The following DLST variants were observed in gnomAD, a reference collection of about 807,000 sequenced individuals.
The protein encoded by DLST is dihydrolipoamide S-succinyltransferase.
In DLST, 17 loss-of-function variants were observed where a neutral mutation model predicts 53.1. The observed-to-expected ratio is 0.32, with a 90% CI of 0.22 to 0.48. The LOEUF (loss-of-function observed/expected upper bound fraction) is 0.48, where lower values mean the gene tolerates loss of function less well. Ranked by LOEUF, DLST falls within the 20% of genes least tolerant of loss-of-function variation. The pLI is 0.99. For synonymous variants in DLST, 206 were observed against 204.8 expected, an observed-to-expected ratio of 1.01 and a Z score of -0.05; for missense variants, 512 against 583.9, an observed-to-expected ratio of 0.88 and a Z score of 1.27.
Position 74,903,450 on chromosome 14 carries a change from C to G in DLST, c.*1120C>G, listed in dbSNP as rs1012669905. 1.3e-5 allele frequency: 2 copies of G among 152,114 alleles called. No individual in the cohort carries two copies. The highest frequency in any genetic ancestry group is 2.4e-5 in the African/African-American group (1 of 41,402). 9.4% of individuals were successfully genotyped at this position (152,114 alleles called of 1,614,324 possible). A position where few individuals can be genotyped will look rare whatever the true frequency, so the allele number is the denominator to read the frequency against. Reference sequence around the variant, plus strand: ...GAGGTCATTTCTAAGGTGTGTTGCCCGTGGATCTGGGCACAATCATTGGAA... The same window carrying G: ...GAGGTCATTTCTAAGGTGTGTTGCCGGTGGATCTGGGCACAATCATTGGAA... On this transcript the variant is annotated 3_prime_UTR_variant, in exon 15 of 15. Coordinates refer to ENST00000334220, the MANE Select transcript of DLST (RefSeq NM_001933.5).
chr14:74,882,101 C>G (rs894158124), intron 1 of DLST, 85 bp downstream of exon 1: 2 of 1,273,770 alleles, frequency 1.6e-6, no homozygotes, highest in Non-Finnish European at 2.0e-6. Context: ...GGGCGCGGCG[C>G]GCCGGCCGGG....
intron 2 of DLST, among the ~76,000 whole-genome samples, chr14:74,884,587 C>A (rs1406786800): frequency 6.6e-6 from 1 of 152,166 alleles, no homozygotes; most frequent in Non-Finnish European, 1.5e-5. Context: ...TTTTTATAAA[C>A]CCTAAAGCAC....
chr14:74,898,534 G>T, intron 11 of DLST, 35 bp downstream of exon 11: 1 of 1,610,356 alleles, frequency 6.2e-7, no homozygotes, highest in Non-Finnish European at 8.5e-7. Context: ...GAGAGGTCCT[G>T]GGAGGTAGGT....
chr14:74,889,054 G>C (rs781007119), intron 3 of DLST, 41 bp from the exon 4 acceptor site: 2 of 1,545,902 alleles, frequency 1.3e-6, no homozygotes, highest in Non-Finnish European at 1.7e-6. Context: ...AATGTGAGTG[G>C]TTCGCCTGTT....
chr14:74,885,530 C>T, intron 2 of DLST, 56 bp from the exon 3 acceptor site: 1 of 1,569,854 alleles, frequency 6.4e-7, no homozygotes, highest in Non-Finnish European at 8.8e-7. Context: ...CCATTCCCAG[C>T]ATGTATCCTT....
intron 10 of DLST, among the ~76,000 whole-genome samples, chr14:74,897,466 C>T (rs1884106510): frequency 6.6e-6 from 1 of 152,186 alleles, no homozygotes; most frequent in African/African-American, 2.4e-5. Flanking sequence ...CCATTTCTCA[C>T]TAACTCTGCA....
intron 2 of DLST, among the ~76,000 whole-genome samples, chr14:74,883,613 C>G (rs1883607402): frequency 6.6e-6 from 1 of 152,128 alleles, no homozygotes; most frequent in South Asian, 2.1e-4. Flanking sequence ...TTGTTGTGGG[C>G]TTTCTTTGTG....
intron 3 of DLST, among the ~76,000 whole-genome samples, chr14:74,888,801 T>G (rs17102856): frequency 0.011 from 1,638 of 152,172 alleles, 35 homozygotes; most frequent in African/African-American, 0.038. Context: ...CAAATGTAAG[T>G]CTGTTTTGTG....
intron 1 of DLST, among the ~76,000 whole-genome samples, chr14:74,882,371 A>G (rs973823477): frequency 2.0e-5 from 3 of 152,296 alleles, no homozygotes; most frequent in African/African-American, 7.2e-5. Context: ...TTGCTCTGTT[A>G]AAATCAGTGG....
intron 10 of DLST, among the ~76,000 whole-genome samples, chr14:74,894,849 T>TTTA (rs1884029171): frequency 6.6e-6 from 1 of 151,716 alleles, no homozygotes; most frequent in South Asian, 2.1e-4. Context: ...GCCTGGCCTG[T>TTTA]TTATTGTTAA....
At chr14:74,885,804 C>A (rs1594871871) in intron 3 of DLST, 170 bp downstream of exon 3, 2 of 608,768 alleles carry the variant, frequency 3.3e-6, no homozygotes, top group African/African-American at 1.9e-5. Flanking sequence ...ATGTGATGTT[C>A]CTTGAGCATC....
At chr14:74,889,178 T>G in intron 4 of DLST, 31 bp downstream of exon 4, 1 of 1,613,134 alleles carries the variant, frequency 6.2e-7, no homozygotes, top group South Asian at 1.1e-5. Flanking sequence ...GAATGGAATT[T>G]TATGGGAAGA....
At position 74,901,092 on chromosome 14, in the gene DLST, A is replaced by C. The variant is rs1389895850; in HGVS notation, c.1086A>C (p.Glu362Asp). 1.2e-6 allele frequency: 2 copies of C among 1,613,700 alleles called. No homozygotes were observed. Among genetic ancestry groups the C allele is most frequent in the Non-Finnish European group, 1.7e-6 (2 of 1,179,936 alleles). ...EKARKNELAI[E>D]DMDGGTFTIS... ...CCCGAAAGAATGAACTTGCCATTGA[A>C]GATATGGATGGCGGTACCTTCACCA... The change falls in exon 14 of 15, where the codon GAA becomes GAC. Residue 362 changes from glutamate to aspartate, a missense_variant. This residue lies in a region of DLST where 186 missense variants were observed against 260.4 expected (regional missense o/e 0.71). Coordinates refer to ENST00000334220, the MANE Select transcript of DLST (RefSeq NM_001933.5).
intron 11 of DLST, among the ~76,000 whole-genome samples, chr14:74,899,025 C>T (rs1270040919): frequency 1.3e-5 from 2 of 152,216 alleles, no homozygotes; most frequent in Admixed American, 1.3e-4. Flanking sequence ...CCTGTTGACA[C>T]ACTTCTCTGT....
At chr14:74,886,953 G>C (rs1883725358) in intron 3 of DLST, among the ~76,000 whole-genome samples, 1 of 151,832 alleles carries the variant, frequency 6.6e-6, no homozygotes, top group African/African-American at 2.4e-5. Flanking sequence ...TGGCCAGGCT[G>C]GTCTCTGAAA....
intron 11 of DLST, among the ~76,000 whole-genome samples, chr14:74,899,685 T>C (rs1168656910): frequency 6.6e-6 from 1 of 152,194 alleles, no homozygotes; most frequent in Non-Finnish European, 1.5e-5. Flanking sequence ...TTCTTAGGGC[T>C]GCCAAAGAAA....
Position 74,889,266 on chromosome 14 carries a change from T to C in DLST, c.200-9T>C. Reference sequence around the variant, plus strand: ...CTACTTATGATTTTCTTTTTTGCATTTTTCCTAGAGGATGACTTGGTTACA... The same window carrying C: ...CTACTTATGATTTTCTTTTTTGCATCTTTCCTAGAGGATGACTTGGTTACA... On this transcript the variant is annotated splice_polypyrimidine_tract_variant and intron_variant, in intron 4 of 14. Transcript: ENST00000334220. 2.5e-6 allele frequency: 4 copies of C among 1,612,420 alleles called. No homozygotes were observed. Among genetic ancestry groups the C allele is most frequent in the Non-Finnish European group, 2.5e-6 (3 of 1,179,644 alleles).
intron 7 of DLST, chr14:74,891,738 T>C (rs952314602): frequency 1.0e-6 from 1 of 984,836 alleles, no homozygotes; most frequent in Non-Finnish European, 1.2e-6. Flanking sequence ...CACTAAAAAG[T>C]CTATTTCTTT....
rs1232633454 is a variant in DLST, at chr14:74,886,999, C to T, written c.146+1365C>T. On this transcript the variant is annotated intron_variant, in intron 3 of 14. Coordinates refer to ENST00000334220, the MANE Select transcript of DLST (RefSeq NM_001933.5). The stretch of plus-strand genomic sequence containing the variant: ...CAGGTGATCCGCCCGACTCAGCCTC[C>T]CAAAGTGCTGGGATTACAAGCATGA... Among the ~76,000 whole-genome samples, 2 of 152,054 alleles carry T rather than the reference C, an allele frequency of 1.3e-5. 1 individual carries two copies. Among genetic ancestry groups the T allele is most frequent in the Middle Eastern group, 6.3e-3 (2 of 316 alleles).
Sources: gnomAD v4.1 joint callset for allele counts (sites outside exome capture counted in the v4.1 genomes callset) on GRCh38, gnomAD v4.1.1 for gene constraint, gnomAD v4.1.1 regional missense constraint, MANE v1.5 for transcripts, NCBI Gene and HGNC (gene_info 2026-07-23, HGNC 2026-07-21) for gene names.